ASXL2: variants seen among roughly 807,000 people sequenced by gnomAD.
The protein encoded by ASXL2 is putative Polycomb group protein ASXL2.
ASXL2 carries 23 observed loss-of-function variants against 122.0 expected under a neutral mutation model. The ratio of observed to expected loss-of-function variants is 0.19; its 90% CI spans 0.14 to 0.27. The LOEUF is 0.27. ASXL2 is among the 10% of genes least tolerant of loss of function. ASXL2 has a pLI of 1.00. For synonymous variants in ASXL2, 650 were observed against 637.0 expected (o/e 1.02, Z -0.31); for missense variants, 1,518 against 1,713.8 (o/e 0.89, Z 2.02).
At chr2:25,751,248 G>A (rs1239850743) in intron 11 of ASXL2, among the ~76,000 whole-genome samples, 2 of 152,108 alleles carry the variant, frequency 1.3e-5, no homozygotes, top group Non-Finnish European at 2.9e-5. Flanking sequence ...GACAAAACTG[G>A]GCAATAATCA....
At chr2:25,865,069 C>T (rs1313687785) in intron 1 of ASXL2, among the ~76,000 whole-genome samples, 3 of 151,766 alleles carry the variant, frequency 2.0e-5, no homozygotes, top group Non-Finnish European at 4.4e-5. Context: ...GTGATCCACC[C>T]ACCTCAGCCT....
intron 1 of ASXL2, among the ~76,000 whole-genome samples, chr2:25,849,452 CAAAAAAA>C (rs34833277): frequency 2.8e-5 from 2 of 70,652 alleles, no homozygotes; most frequent in Non-Finnish European, 5.5e-5. Flanking sequence ...GACTCTGACT[CAAAAAAA>C]AAAAAAAAAA....
At position 25,866,528 on chromosome 2, in the gene ASXL2, ATTTACTACC is replaced by A. The variant is rs559190736; in HGVS notation, c.57+11629_57+11637del. The stretch of plus-strand genomic sequence containing the variant: ...AAATCATTTTCATTAAAACTTTGTC[ATTTACTACC>A]TTTTATCTGCTAGAAAACAGAGCTG... On this transcript the variant is annotated intron_variant, in intron 1 of 12. Transcript: ENST00000435504. 2.4e-3 allele frequency among the ~76,000 whole-genome samples: 372 copies of A among 152,242 alleles called. 2 individuals carry two copies. Among genetic ancestry groups the A allele is most frequent in the Non-Finnish European group, 4.0e-3 (272 of 68,016 alleles).
At chr2:25,875,559 T>C (rs758048606) in intron 1 of ASXL2, among the ~76,000 whole-genome samples, 4 of 152,100 alleles carry the variant, frequency 2.6e-5, no homozygotes, top group African/African-American at 4.8e-5. Context: ...TCAAACCATG[T>C]AGCTCTCCCA....
At chr2:25,877,790 G>A (rs1018903944) in intron 1 of ASXL2, among the ~76,000 whole-genome samples, 3 of 152,296 alleles carry the variant, frequency 2.0e-5, no homozygotes, top group Admixed American at 1.3e-4. Context: ...TCTCCTATCT[G>A]CATCCAATGG....
At chr2:25,832,904 A>G (rs1046741875) in intron 3 of ASXL2, among the ~76,000 whole-genome samples, 6 of 152,242 alleles carry the variant, frequency 3.9e-5, no homozygotes, top group Non-Finnish European at 7.3e-5. Context: ...CTCCAGAGAC[A>G]TACAATGAAT....
Position 25,741,475 on chromosome 2 carries a change from C to A in ASXL2, c.*554G>T. The A allele has an allele frequency of 4.3e-6, 1 of 230,402 alleles. No individual in the cohort carries two copies. Among genetic ancestry groups the A allele is most frequent in the South Asian group, 1.8e-4 (1 of 5,512 alleles). The allele number at this position is 230,402 out of a possible 1,614,324, so 14.3% of individuals were successfully genotyped here. ...CCAAAAATTTCAATTTAAGAAGATT[C>A]CACCTAAGGTAAAGGGACTGAGTAA... On this transcript the variant is annotated 3_prime_UTR_variant, in exon 13 of 13. Transcript: ENST00000435504.
intron 2 of ASXL2, among the ~76,000 whole-genome samples, chr2:25,844,447 C>T (rs982505201): frequency 4.0e-5 from 6 of 151,754 alleles, no homozygotes; most frequent in African/African-American, 9.7e-5. Flanking sequence ...CATGGTGGTG[C>T]GTGTCTGTAA....
At chr2:25,757,673 T>C (rs866656743) in intron 9 of ASXL2, among the ~76,000 whole-genome samples, 1 of 8,742 alleles carries the variant, frequency 1.1e-4, no homozygotes, top group Non-Finnish European at 1.8e-4. Flanking sequence ...AGACTCCATC[T>C]CAAAAAAAAA....
At chr2:25,862,761 T>C (rs2149200553) in intron 1 of ASXL2, among the ~76,000 whole-genome samples, 1 of 151,702 alleles carries the variant, frequency 6.6e-6, no homozygotes, top group East Asian at 1.9e-4. Context: ...CACCATGCCC[T>C]GCTAATTTTT....
intron 3 of ASXL2, among the ~76,000 whole-genome samples, chr2:25,812,854 C>T (rs146361434): frequency 0.011 from 1,646 of 152,298 alleles, 10 homozygotes; most frequent in Non-Finnish European, 0.017. Flanking sequence ...TAAAAGAGTG[C>T]TAAGTTCCAG....
chr2:25,842,981 C>G (rs1281255584), intron 2 of ASXL2, among the ~76,000 whole-genome samples: 2 of 140,022 alleles, frequency 1.4e-5, no homozygotes, highest in African/African-American at 5.4e-5. Flanking sequence ...GTCACCACAC[C>G]TGGCTAATTT....
intron 3 of ASXL2, among the ~76,000 whole-genome samples, chr2:25,811,040 C>CA (rs1196098543): frequency 1.6e-5 from 2 of 124,424 alleles, no homozygotes; most frequent in African/African-American, 2.9e-5. Flanking sequence ...CCTGTCTCTA[C>CA]AAAAAATACA....
At chr2:25,785,886 C>G (rs1019788727) in intron 5 of ASXL2, among the ~76,000 whole-genome samples, 3 of 152,074 alleles carry the variant, frequency 2.0e-5, no homozygotes, top group African/African-American at 7.2e-5. Flanking sequence ...TTTCAGAGAA[C>G]CAAAAACCAA....
intron 5 of ASXL2, among the ~76,000 whole-genome samples, chr2:25,782,494 C>T (rs1014570083): frequency 1.3e-5 from 2 of 152,014 alleles, no homozygotes; most frequent in East Asian, 1.9e-4. Context: ...TGCAGTGAGC[C>T]GAGACAGTGC....
At chr2:25,865,980 A>G (rs1413823671) in intron 1 of ASXL2, among the ~76,000 whole-genome samples, 1 of 152,044 alleles carries the variant, frequency 6.6e-6, no homozygotes, top group Non-Finnish European at 1.5e-5. Context: ...TTAATGCACC[A>G]TGATGACAGC....
At chr2:25,854,239 C>A (rs894382186) in intron 1 of ASXL2, among the ~76,000 whole-genome samples, 1 of 152,174 alleles carries the variant, frequency 6.6e-6, no homozygotes, top group African/African-American at 2.4e-5. Context: ...AAGCTCTCAA[C>A]CAAACTCTCT....
intron 1 of ASXL2, among the ~76,000 whole-genome samples, chr2:25,875,059 G>C (rs767082095): frequency 6.6e-6 from 1 of 152,096 alleles, no homozygotes; most frequent in African/African-American, 2.4e-5. Flanking sequence ...CAGCTTGGGC[G>C]ACAGAGCAAG....
chr2:25,855,637 G>C (rs1353187834), intron 1 of ASXL2, among the ~76,000 whole-genome samples: 1 of 152,052 alleles, frequency 6.6e-6, no homozygotes, highest in Non-Finnish European at 1.5e-5. Context: ...CTGCACTCCA[G>C]GCTGGGCGAC....
Sources: gnomAD v4.1 joint callset for allele counts (sites outside exome capture counted in the v4.1 genomes callset) on GRCh38, gnomAD v4.1.1 for gene constraint, MANE v1.5 for transcripts, NCBI Gene and HGNC (gene_info 2026-07-23, HGNC 2026-07-21) for gene names.